Variants in C10orf90 observed in about 807,000 individuals in gnomAD.
C10orf90 encodes the protein (E2-independent) E3 ubiquitin-conjugating enzyme FATS.
In C10orf90, 56 loss-of-function variants were observed where a neutral mutation model predicts 62.5. The observed-to-expected ratio is 0.90, with a 90% CI of 0.72 to 1.12. C10orf90 has a LOEUF of 1.12. Ranked by LOEUF, C10orf90 falls within the 50% of genes most tolerant of loss-of-function variation. C10orf90 has a pLI of 0.00. For missense variants in C10orf90, 970 were observed against 880.4 expected, an observed-to-expected ratio of 1.10 and a Z score of -1.29; for synonymous variants, 386 against 340.4, an observed-to-expected ratio of 1.13 and a Z score of -1.47.
intron 7 of C10orf90, among the ~76,000 whole-genome samples, chr10:126,431,614 GA>G (rs1328393247): frequency 6.6e-6 from 1 of 152,146 alleles, no homozygotes; most frequent in Non-Finnish European, 1.5e-5. Flanking sequence ...CTTGTACAAA[GA>G]ATTAGATTCA....
chr10:126,599,611 T>C (rs1845157268), intron 2 of C10orf90, among the ~76,000 whole-genome samples: 1 of 151,638 alleles, frequency 6.6e-6, no homozygotes, highest in Admixed American at 6.6e-5. Context: ...ATCGCCACCC[T>C]CTGGCTGCCC....
intron 4 of C10orf90, among the ~76,000 whole-genome samples, chr10:126,487,432 A>G (rs1459222716): frequency 6.6e-6 from 1 of 152,188 alleles, no homozygotes; most frequent in Non-Finnish European, 1.5e-5. Context: ...AAGGTATAAT[A>G]GTTAGACATA....
In C10orf90 at chr10:126,512,374, G is replaced by A. The variant is rs1299369517; in HGVS notation, c.405+1474C>T. ...TCTGTGTGTGTGTGTATGTGTGTCT[G>A]TGTGTGTGTGTCTGTGTGTGTGTGT... On this transcript the variant is annotated intron_variant, in intron 3 of 9. Coordinates refer to ENST00000488181, the MANE Select transcript of C10orf90 (RefSeq NM_001350921.2). Among the ~76,000 whole-genome samples, 415 of 60,060 alleles carry A rather than the reference G, an allele frequency of 6.9e-3. 4 individuals are homozygous for A. Among genetic ancestry groups the A allele is most frequent in the African/African-American group, 0.027 (383 of 14,368 alleles). 39.4% of individuals were successfully genotyped at this position (60,060 alleles called of 152,430 possible). A position where few individuals can be genotyped will look rare whatever the true frequency, so the allele number is the denominator to read the frequency against.
intron 2 of C10orf90, among the ~76,000 whole-genome samples, chr10:126,565,622 A>G (rs539301840): frequency 6.6e-6 from 1 of 151,386 alleles, no homozygotes; most frequent in African/African-American, 2.4e-5. Flanking sequence ...CAGGCTCTGC[A>G]CTTGTGGTAG....
intron 2 of C10orf90, among the ~76,000 whole-genome samples, chr10:126,538,021 T>C (rs1252243519): frequency 3.3e-5 from 5 of 152,196 alleles, no homozygotes; most frequent in Admixed American, 2.0e-4. Flanking sequence ...GGTGATTGTA[T>C]TAGTTCTCAC....
rs1208864704 is a variant in C10orf90 at position 126,434,351 on chromosome 10, G to GT, written c.2189-4502dup. On this transcript the variant is annotated intron_variant, in intron 7 of 9. Coordinates refer to ENST00000488181, the MANE Select transcript of C10orf90 (RefSeq NM_001350921.2). ...CACCCTGCCACCAGCATGATTCGTTGTTTTTGGAGCTGGGCTGTTTTTCCT... is the reference window on the plus strand; with the variant it reads ...CACCCTGCCACCAGCATGATTCGTTGTTTTTTGGAGCTGGGCTGTTTTTCCT... Among the ~76,000 whole-genome samples the GT allele has an allele frequency of 2.6e-5, 4 of 152,292 alleles. No homozygotes were observed. In the East Asian group the frequency reaches 7.7e-4, roughly 29 times the overall value.
chr10:126,603,778 C>A lies in C10orf90; in HGVS notation c.313+42787G>T, dbSNP rs61875991. Among the ~76,000 whole-genome samples the A allele has an allele frequency of 6.1e-3, 936 of 152,256 alleles. 6 individuals are homozygous for A. The highest frequency in any genetic ancestry group is 1.0e-2 in the Non-Finnish European group (680 of 68,022). ...CTGTCTATGAAAGGGTTCTTATATACCTCCCAGGCCGAAAAGGCCTCACAG... is the reference window on the plus strand; with the variant it reads ...CTGTCTATGAAAGGGTTCTTATATAACTCCCAGGCCGAAAAGGCCTCACAG... On this transcript the variant is annotated intron_variant, in intron 2 of 9. Coordinates refer to ENST00000488181, the MANE Select transcript of C10orf90 (RefSeq NM_001350921.2).
chr10:126,541,209 A>C (rs1264833356), intron 2 of C10orf90, among the ~76,000 whole-genome samples: 1 of 152,182 alleles, frequency 6.6e-6, no homozygotes, highest in Non-Finnish European at 1.5e-5. Context: ...CTATGATTGT[A>C]TTAGAAGAAA....
chr10:126,504,957 T>A lies in C10orf90; in HGVS notation c.534A>T (p.Ala178=). 6.2e-7 allele frequency: 1 copy of A among 1,614,258 alleles called. No homozygotes were observed. Among genetic ancestry groups the A allele is most frequent in the Non-Finnish European group, 8.5e-7 (1 of 1,180,048 alleles). The change falls in exon 4 of 10, where the codon GCA becomes GCT. Residue 178 remains alanine (A), a synonymous_variant. Coordinates refer to ENST00000488181, the MANE Select transcript of C10orf90 (RefSeq NM_001350921.2). This position sits in a 1 kb window ranked among gnomAD's most constrained non-coding sequence, Gnocchi z 4.1. ...TAGCCAGAGATTGCTTGGCGTGATGTGCACGAGACTGAGCAATGGCACACG... is the reference window on the plus strand; with the variant it reads ...TAGCCAGAGATTGCTTGGCGTGATGAGCACGAGACTGAGCAATGGCACACG... The part of the protein sequence containing the change: ...PLPCAIAQSR[A]HHAKQSLANR...
chr10:126,500,279 C>T (rs1862299422), intron 4 of C10orf90, among the ~76,000 whole-genome samples: 1 of 152,178 alleles, frequency 6.6e-6, no homozygotes, highest in African/African-American at 2.4e-5. Flanking sequence ...CTTAATTGCC[C>T]TGCCTGGGGC....
intron 2 of C10orf90, among the ~76,000 whole-genome samples, chr10:126,619,829 C>T (rs1471897217): frequency 2.0e-5 from 3 of 151,986 alleles, no homozygotes; most frequent in Non-Finnish European, 4.4e-5. Context: ...TCTGTAGAGA[C>T]GGGGTTTTGC....
At chr10:126,515,779 G>C (rs1478416542) in intron 2 of C10orf90, among the ~76,000 whole-genome samples, 1 of 152,134 alleles carries the variant, frequency 6.6e-6, no homozygotes, top group African/African-American at 2.4e-5. Context: ...GAATTTCAAG[G>C]GCCACCATTG....
intron 2 of C10orf90, among the ~76,000 whole-genome samples, chr10:126,553,516 A>G (rs1864685925): frequency 1.3e-5 from 2 of 152,184 alleles, no homozygotes; most frequent in Admixed American, 6.5e-5. Flanking sequence ...AAAAATTCCT[A>G]TTACCTAGTG....
intron 1 of C10orf90, among the ~76,000 whole-genome samples, chr10:126,651,961 G>C (rs1029878827): frequency 1.3e-5 from 2 of 152,186 alleles, no homozygotes; most frequent in Admixed American, 1.3e-4. Context: ...ATGGTTCCAG[G>C]TTGGACTGAT....
chr10:126,467,085 T>C (rs1860329965), intron 4 of C10orf90, among the ~76,000 whole-genome samples: 1 of 152,210 alleles, frequency 6.6e-6, no homozygotes, highest in South Asian at 2.1e-4. Context: ...AATTAATGTA[T>C]TTATTTATAG....
chr10:126,524,718 G>A (rs975199300), intron 2 of C10orf90: 13 of 985,686 alleles, frequency 1.3e-5, no homozygotes, highest in Non-Finnish European at 1.6e-5. Context: ...CATCCGCGAG[G>A]CAAGGAGTGC....
At chr10:126,639,859 G>A (rs1336351976) in intron 2 of C10orf90, among the ~76,000 whole-genome samples, 1 of 152,256 alleles carries the variant, frequency 6.6e-6, no homozygotes, top group Non-Finnish European at 1.5e-5. Flanking sequence ...AGAAACTCAT[G>A]GAGGGGGAAA....
chr10:126,639,986 C>A (rs1437684784), intron 2 of C10orf90, among the ~76,000 whole-genome samples: 1 of 152,196 alleles, frequency 6.6e-6, no homozygotes, highest in African/African-American at 2.4e-5. Flanking sequence ...CATAAGAGGA[C>A]ACACAGGTGT....
At chr10:126,535,344 C>T (rs1328900789) in intron 2 of C10orf90, among the ~76,000 whole-genome samples, 3 of 151,904 alleles carry the variant, frequency 2.0e-5, no homozygotes, top group South Asian at 4.2e-4. Flanking sequence ...GGTGAAATCC[C>T]GTGTCTACTA....
Sources: allele counts gnomAD v4.1 joint callset (sites outside exome capture counted in the v4.1 genomes callset), GRCh38; gene constraint gnomAD v4.1.1; non-coding constraint Gnocchi (gnomAD v3.1); transcripts MANE v1.5; gene names NCBI Gene and HGNC (gene_info 2026-07-23, HGNC 2026-07-21).